Variants in PTGFRN observed in about 807,000 individuals in gnomAD.
The protein encoded by PTGFRN is prostaglandin F2 receptor inhibitor.
Under a neutral mutation model 83.2 loss-of-function variants are expected in PTGFRN, and 35 were observed. The observed-to-expected ratio is 0.42, with a 90% confidence interval of 0.32 to 0.56. The LOEUF (loss-of-function observed/expected upper bound fraction) is 0.56. PTGFRN is among the 20% of genes least tolerant of loss of function. PTGFRN has a pLI of 0.11. For missense variants in PTGFRN, 1,051 were observed against 1,179.5 expected (o/e 0.89, Z 1.60); for synonymous variants, 519 against 498.6 (o/e 1.04, Z -0.55).
chr1:116,933,318 G>C (rs1649844223), intron 1 of PTGFRN, among the ~76,000 whole-genome samples: 1 of 151,028 alleles, frequency 6.6e-6, no homozygotes, highest in Non-Finnish European at 1.5e-5. Context: ...TCAGTGATCT[G>C]TTAGTGTTTA....
At chr1:116,970,632 G>A (rs1570674122) in intron 6 of PTGFRN, among the ~76,000 whole-genome samples, 2 of 152,160 alleles carry the variant, frequency 1.3e-5, no homozygotes, top group East Asian at 3.8e-4. Context: ...TGAATAGATT[G>A]CCTAAGGTTT....
intron 1 of PTGFRN, among the ~76,000 whole-genome samples, chr1:116,915,160 G>T (rs140701165): frequency 3.4e-4 from 52 of 152,320 alleles, no homozygotes; most frequent in African/African-American, 1.2e-3. Context: ...CTTATGCTGC[G>T]TATTGCTTGA....
At chr1:116,959,920 C>A (rs1650600148) in intron 4 of PTGFRN, among the ~76,000 whole-genome samples, 1 of 151,854 alleles carries the variant, frequency 6.6e-6, no homozygotes, top group South Asian at 2.1e-4. Context: ...TTGCAGTGAA[C>A]TGAGATCGCG....
At chr1:116,929,825 C>G (rs2101056441) in intron 1 of PTGFRN, among the ~76,000 whole-genome samples, 1 of 152,266 alleles carries the variant, frequency 6.6e-6, no homozygotes, top group South Asian at 2.1e-4. Flanking sequence ...GACTGGCTGA[C>G]TTTGCAGGAT....
intron 6 of PTGFRN, 142 bp downstream of exon 6, chr1:116,967,472 A>G: frequency 1.1e-6 from 1 of 904,166 alleles, no homozygotes; most frequent in African/African-American, 1.7e-5. Flanking sequence ...TGTGTAATTC[A>G]GTGGCTTTTC....
intron 7 of PTGFRN, among the ~76,000 whole-genome samples, chr1:116,975,255 G>A (rs754969407): frequency 6.6e-6 from 1 of 152,230 alleles, no homozygotes; most frequent in Non-Finnish European, 1.5e-5. Context: ...GCCCACTGCA[G>A]CTCAAGGAGG....
chr1:116,948,986 ATTG>A (rs1382623464), intron 3 of PTGFRN, among the ~76,000 whole-genome samples: 3 of 152,190 alleles, frequency 2.0e-5, no homozygotes, highest in African/African-American at 4.8e-5. Flanking sequence ...GTTTGCGGCT[ATTG>A]TTGTTTTTAT....
intron 1 of PTGFRN, among the ~76,000 whole-genome samples, chr1:116,924,333 G>C (rs1649604803): frequency 6.6e-6 from 1 of 151,820 alleles, no homozygotes; most frequent in Non-Finnish European, 1.5e-5. Context: ...TTCTAGTAGA[G>C]ATGGGGTTTC....
chr1:116,941,749 A>T lies in PTGFRN; in HGVS notation c.84A>T (p.Thr28=). Residue 28 remains threonine (T), a synonymous_variant, in exon 2 of 9, where the codon ACA becomes ACT. Coordinates refer to ENST00000393203, the MANE Select transcript of PTGFRN (RefSeq NM_020440.4). This position sits in a 1 kb window ranked among gnomAD's most constrained non-coding sequence, Gnocchi z 5.0. ...GAGGGCGTGTGGTGAGAGTCCCCAC[A>T]GCGACCCTGGTTCGAGTGGTGGGCA... ...LCRGRVVRVP[T]ATLVRVVGTE... 1 of 1,614,014 alleles carries T rather than the reference A, an allele frequency of 6.2e-7. No homozygotes were observed. Among genetic ancestry groups the T allele is most frequent in the Non-Finnish European group, 8.5e-7 (1 of 1,179,948 alleles).
chr1:116,961,501 C>G lies in PTGFRN; in HGVS notation c.1472C>G (p.Ser491Cys). 1 of 1,614,130 alleles carries G rather than the reference C, an allele frequency of 6.2e-7. No homozygotes were observed. Residue 491 changes from serine to cysteine, a missense_variant, in exon 5 of 9, where the codon TCT becomes TGT. Coordinates refer to ENST00000393203, the MANE Select transcript of PTGFRN (RefSeq NM_020440.4). The surrounding 1 kb of genome is among the most constrained non-coding windows in gnomAD (Gnocchi z 5.4). ...QRAQDGDFIFSKEHTDTFNFR... is the reference protein window; with the variant it reads ...QRAQDGDFIFCKEHTDTFNFR... ...GCCCAGGATGGAGACTTTATTTTTT[C>G]TAAGGAACATACAGACACGTTCAAT... is the stretch of plus-strand genomic sequence containing the variant.
At chr1:116,953,317 T>C (rs975046435) in intron 4 of PTGFRN, among the ~76,000 whole-genome samples, 2 of 152,206 alleles carry the variant, frequency 1.3e-5, no homozygotes, top group African/African-American at 4.8e-5. Flanking sequence ...GGGCCATTTA[T>C]AGGCGATAAG....
intron 6 of PTGFRN, among the ~76,000 whole-genome samples, chr1:116,968,850 A>G (rs1341710136): frequency 6.6e-6 from 1 of 152,108 alleles, no homozygotes; most frequent in Non-Finnish European, 1.5e-5. Context: ...TAATGTTTTC[A>G]AGGTCCATTC....
intron 2 of PTGFRN, 30 bp downstream of exon 2, chr1:116,942,113 A>G: frequency 1.9e-6 from 3 of 1,583,022 alleles, no homozygotes; most frequent in Non-Finnish European, 2.6e-6. Flanking sequence ...TTGTTATGCC[A>G]GGGGCCAGAC....
Position 116,945,100 on chromosome 1 carries a change from G to A in PTGFRN, c.832+8G>A. On this transcript the variant is annotated splice_region_variant and intron_variant, in intron 3 of 8. Transcript: ENST00000393203. ...TGGTGATCCAGCCATCAGGTGAGCT[G>A]GAAACGATGCGTTATAGGTGATGTT... The A allele has an allele frequency of 6.2e-7, 1 of 1,608,388 alleles. No homozygotes were observed.
Position 116,987,419 on chromosome 1 carries a change from C to T in PTGFRN, c.*452C>T, listed in dbSNP as rs1239108548. ...GGCACGTGTTCAGAGAGCTGCTGAG[C>T]GCCACCCTCTACCCGGCTGACAGAC... On this transcript the variant is annotated 3_prime_UTR_variant, in exon 9 of 9. Coordinates refer to ENST00000393203, the MANE Select transcript of PTGFRN (RefSeq NM_020440.4). The T allele has an allele frequency of 3.8e-5, 7 of 186,014 alleles. No homozygotes were observed. The highest frequency in any genetic ancestry group is 1.4e-4 in the East Asian group (1 of 6,906). 11.5% of individuals were successfully genotyped at this position (186,014 alleles called of 1,614,324 possible).
In PTGFRN at chr1:116,910,095, G is replaced by C. The variant is rs1171875979; in HGVS notation, c.-109G>C. On this transcript the variant is annotated 5_prime_UTR_variant, in exon 1 of 9. Coordinates refer to ENST00000393203, the MANE Select transcript of PTGFRN (RefSeq NM_020440.4). The stretch of plus-strand genomic sequence containing the variant: ...GCGAGGAGAGCGGAGCAGGCGCGCG[G>C]CCCAGGCGGAGGAGCGCCGACTCTG... The C allele has an allele frequency of 1.6e-6, 2 of 1,228,760 alleles. No homozygotes were observed. The highest frequency in any genetic ancestry group is 2.6e-5 in the South Asian group (2 of 77,558). 76.1% of individuals were successfully genotyped at this position (1,228,760 alleles called of 1,614,324 possible).
At chr1:116,979,451 C>T (rs892021572) in intron 7 of PTGFRN, among the ~76,000 whole-genome samples, 10 of 152,304 alleles carry the variant, frequency 6.6e-5, no homozygotes, top group East Asian at 3.9e-4. Context: ...GGAGGTATCA[C>T]GCTGCCTGAC....
intron 3 of PTGFRN, among the ~76,000 whole-genome samples, chr1:116,946,487 C>T (rs1483762045): frequency 6.6e-6 from 1 of 152,196 alleles, no homozygotes; most frequent in Non-Finnish European, 1.5e-5. Context: ...AAACTTGCAT[C>T]AAACAACTCT....
chr1:116,955,716 A>G (rs1396660705), intron 4 of PTGFRN, among the ~76,000 whole-genome samples: 3 of 152,200 alleles, frequency 2.0e-5, no homozygotes, highest in Non-Finnish European at 4.4e-5. Flanking sequence ...ATTTAGTTCA[A>G]TTCAGCCAGT....
Sources: gnomAD v4.1 joint callset for allele counts (sites outside exome capture counted in the v4.1 genomes callset) on GRCh38, gnomAD v4.1.1 for gene constraint, Gnocchi (gnomAD v3.1) non-coding constraint, MANE v1.5 for transcripts, NCBI Gene and HGNC (gene_info 2026-07-23, HGNC 2026-07-21) for gene names.